IL31RA: variants seen among roughly 807,000 people sequenced by gnomAD.
IL31RA encodes interleukin-31 receptor subunit alpha.
IL31RA carries 66 observed loss-of-function variants against 83.7 expected under a neutral mutation model. The ratio of observed to expected loss-of-function variants is 0.79; its 90% CI spans 0.65 to 0.97. IL31RA has a LOEUF of 0.97. Ranked by LOEUF, IL31RA falls within the 50% of genes least tolerant of loss-of-function variation. The pLI is 0.00. For missense variants in IL31RA, 798 were observed against 919.4 expected (o/e 0.87, Z 1.71); for synonymous variants, 325 against 329.0 (o/e 0.99, Z 0.13).
rs79145460 is a variant in IL31RA at position 55,919,445 on chromosome 5, G to A, written c.*2325G>A. 1.6e-3 allele frequency among the ~76,000 whole-genome samples: 247 copies of A among 152,282 alleles called. No homozygotes were observed. The highest frequency in any genetic ancestry group is 5.7e-3 in the African/African-American group (238 of 41,558). On this transcript the variant is annotated 3_prime_UTR_variant, in exon 15 of 15. Coordinates refer to ENST00000652347, the MANE Select transcript of IL31RA (RefSeq NM_139017.7). The stretch of plus-strand genomic sequence containing the variant: ...CCCTGCTCCTTCATCATCAAAGCTG[G>A]AAGCGTCTTTTGCTGGACAATTTGC...
upstream of IL31RA, among the ~76,000 whole-genome samples, chr5:55,848,122 G>A (rs528986523): frequency 1.1e-4 from 17 of 152,226 alleles, no homozygotes; most frequent in African/African-American, 4.1e-4. Flanking sequence ...TGTAAAATAC[G>A]CTTTTTGTCT....
chr5:55,886,946 T>G (rs1285362601), intron 5 of IL31RA, among the ~76,000 whole-genome samples: 1 of 152,232 alleles, frequency 6.6e-6, no homozygotes, highest in Non-Finnish European at 1.5e-5. Context: ...TTAACAGCAA[T>G]GCATTTCAAC....
intron 2 of IL31RA, among the ~76,000 whole-genome samples, chr5:55,867,950 T>A (rs1200416812): frequency 6.6e-6 from 1 of 152,116 alleles, no homozygotes; most frequent in African/African-American, 2.4e-5. Flanking sequence ...GAGATACAAT[T>A]CAAGTTAAGA....
rs1408897439 is a variant in IL31RA, at chr5:55,919,492, TG to T, written c.*2373del. On this transcript the variant is annotated 3_prime_UTR_variant, in exon 15 of 15. Coordinates refer to ENST00000652347, the MANE Select transcript of IL31RA (RefSeq NM_139017.7). ...TTGCAAATCCCCACCCAGCCCTTCC[TG>T]TTTCATTTCTTCTTTCCTTTCTCTC... Among the ~76,000 whole-genome samples the T allele has an allele frequency of 6.6e-6, 1 of 152,210 alleles. No individual in the cohort carries two copies. The highest frequency in any genetic ancestry group is 2.4e-5 in the African/African-American group (1 of 41,460).
rs775254965 is a variant in IL31RA at position 55,913,559 on chromosome 5, CAA to C, written c.1730_1731del (p.Lys577ThrfsTer17). 6.2e-7 allele frequency: 1 copy of C among 1,608,998 alleles called. No homozygotes were observed. Among genetic ancestry groups the C allele is most frequent in the South Asian group, 1.1e-5 (1 of 90,964 alleles). On this transcript the variant is annotated frameshift_variant, in exon 13 of 15. Coordinates refer to ENST00000652347, the MANE Select transcript of IL31RA (RefSeq NM_139017.7). LOFTEE classifies it high-confidence loss of function. ...LIILTVAYGLKKPNKLTHLCW... is the reference protein window; with the variant it reads ...LIILTVAYGLXKPNKLTHLCW... ...TTATCCTGACAGTGGCATATGGTCT[CAA>C]AAAACCCAAGTGAGTCTGCAGACAA...
At chr5:55,868,713 A>T in intron 2 of IL31RA, 78 bp from the exon 3 acceptor site, 1 of 903,030 alleles carries the variant, frequency 1.1e-6, no homozygotes, top group South Asian at 1.3e-5. Flanking sequence ...ATTTTCCATT[A>T]AAAATGTTCA....
chr5:55,847,240 A>T (rs56343054), upstream of IL31RA, among the ~76,000 whole-genome samples: 364 of 14,186 alleles, frequency 0.026, 7 homozygotes, highest in African/African-American at 0.073. Flanking sequence ...AAAAAAAAAA[A>T]ATAAAAATAA....
At chr5:55,844,227 G>T in the IL31RA span, among the ~76,000 whole-genome samples, 1 of 152,134 alleles carries the variant, frequency 6.6e-6, no homozygotes, top group African/African-American at 2.4e-5. Context: ...CACCAACCTA[G>T]AATTGTTTAT....
intron 14 of IL31RA, among the ~76,000 whole-genome samples, chr5:55,915,656 T>C (rs915558239): frequency 3.3e-5 from 5 of 152,234 alleles, no homozygotes; most frequent in South Asian, 2.1e-4. Flanking sequence ...TTTTTGAGCA[T>C]GGGCCTTTTG....
At chr5:55,911,219 T>G (rs562852736) in intron 12 of IL31RA, among the ~76,000 whole-genome samples, 121 of 152,200 alleles carry the variant, frequency 8.0e-4, no homozygotes, top group Admixed American at 1.4e-3. Flanking sequence ...GAGGACCAAG[T>G]GAAAGTGATT....
the IL31RA span, among the ~76,000 whole-genome samples, chr5:55,840,232 A>G: frequency 6.6e-6 from 1 of 152,236 alleles, no homozygotes; most frequent in African/African-American, 2.4e-5. Context: ...TCACGCTGGT[A>G]GACTGAAATT....
the IL31RA span, among the ~76,000 whole-genome samples, chr5:55,841,392 G>T: frequency 6.6e-6 from 1 of 152,100 alleles, no homozygotes; most frequent in Non-Finnish European, 1.5e-5. Flanking sequence ...TTACATCAGG[G>T]ATCATTTGGT....
At chr5:55,846,711 C>T (rs1230462526), upstream of IL31RA, among the ~76,000 whole-genome samples, 3 of 152,066 alleles carry the variant, frequency 2.0e-5, no homozygotes, top group African/African-American at 7.2e-5. Context: ...ACAGGAGACT[C>T]GCTTGAACCC....
At chr5:55,886,268 C>CTTGCTTTTTTTTTTTTTTTTTTTTTTTTT (rs1235138364) in intron 5 of IL31RA, among the ~76,000 whole-genome samples, 3 of 71,510 alleles carry the variant, frequency 4.2e-5, no homozygotes, top group Admixed American at 1.5e-4. Context: ...TGCTTGCTTG[C>CTTGCTTTTTTTTTTTTTTTTTTTTTTTTT]TTTTTTTTTT....
chr5:55,852,002 C>A (rs921774968), intron 1 of IL31RA, among the ~76,000 whole-genome samples: 2 of 152,086 alleles, frequency 1.3e-5, no homozygotes, highest in African/African-American at 4.8e-5. Context: ...CTCAATTGGT[C>A]TTGTCTTAAC....
At chr5:55,884,533 C>A (rs1345214431) in intron 5 of IL31RA, among the ~76,000 whole-genome samples, 14 of 152,170 alleles carry the variant, frequency 9.2e-5, no homozygotes, top group Admixed American at 9.2e-4. Flanking sequence ...CTCTTGGGCT[C>A]AAACGATCCT....
chr5:55,849,171 T>C (rs1744997631), upstream of IL31RA, among the ~76,000 whole-genome samples: 1 of 151,986 alleles, frequency 6.6e-6, no homozygotes, highest in African/African-American at 2.4e-5. Flanking sequence ...TCCCTTCCCA[T>C]TGCCAAACTT....
intron 6 of IL31RA, 126 bp from the exon 7 acceptor site, chr5:55,896,224 C>A: frequency 1.4e-6 from 1 of 739,962 alleles, no homozygotes; most frequent in East Asian, 2.5e-5. Flanking sequence ...TGCCATCCCT[C>A]CACTCCTCAC....
intron 13 of IL31RA, 151 bp downstream of exon 13, chr5:55,913,721 G>A (rs1749631587): frequency 1.4e-6 from 1 of 701,536 alleles, no homozygotes; most frequent in Non-Finnish European, 2.6e-6. Context: ...GTTATTAAAG[G>A]CCACGCTCAG....
Sources: gnomAD v4.1 joint callset for allele counts (sites outside exome capture counted in the v4.1 genomes callset) on GRCh38, gnomAD v4.1.1 for gene constraint, MANE v1.5 for transcripts, NCBI Gene and HGNC (gene_info 2026-07-23, HGNC 2026-07-21) for gene names.